The following HPSE2 variants were observed in gnomAD, a reference collection of about 807,000 sequenced individuals.
HPSE2 encodes inactive heparanase-2.
Under a neutral mutation model 60.5 loss-of-function variants are expected in HPSE2, and 38 were observed. The observed-to-expected ratio is 0.63, with a 90% confidence interval of 0.48 to 0.82. HPSE2 has a LOEUF of 0.82. Ranked by LOEUF, HPSE2 falls within the 40% of genes least tolerant of loss-of-function variation. The pLI is 0.00. For missense variants in HPSE2, 713 were observed against 740.4 expected (o/e 0.96, Z 0.43); for synonymous variants, 295 against 293.2 (o/e 1.01, Z -0.06).
chr10:99,270,880 A>T, the HPSE2 span, among the ~76,000 whole-genome samples: 3 of 152,242 alleles, frequency 2.0e-5, no homozygotes, highest in African/African-American at 7.2e-5. Context: ...ATTAAAAACA[A>T]AAATCACATT....
At chr10:98,906,300 G>A (rs974783010) in intron 3 of HPSE2, among the ~76,000 whole-genome samples, 1 of 152,234 alleles carries the variant, frequency 6.6e-6, no homozygotes, top group Admixed American at 6.5e-5. Context: ...AACCCAACCA[G>A]CAAGCCAAGA....
chr10:98,970,489 T>C (rs1288244357), intron 3 of HPSE2, among the ~76,000 whole-genome samples: 2 of 152,280 alleles, frequency 1.3e-5, no homozygotes, highest in Middle Eastern at 3.4e-3. Context: ...TTTATAATTA[T>C]GGAAACGTCT....
chr10:98,657,621 G>A (rs59119114), intron 6 of HPSE2, among the ~76,000 whole-genome samples: 2,186 of 152,322 alleles, frequency 0.014, 60 homozygotes, highest in African/African-American at 0.049. Flanking sequence ...ACAGGCGTGA[G>A]CCACCATGCC....
intron 3 of HPSE2, among the ~76,000 whole-genome samples, chr10:99,072,157 G>C (rs536862703): frequency 6.6e-6 from 1 of 151,958 alleles, no homozygotes; most frequent in Non-Finnish European, 1.5e-5. Flanking sequence ...TGAATGTAGA[G>C]ACTGCATTGG....
chr10:98,966,627 T>TA, intron 3 of HPSE2, among the ~76,000 whole-genome samples: 1 of 152,192 alleles, frequency 6.6e-6, no homozygotes, highest in East Asian at 1.9e-4. Context: ...GCCACACCTC[T>TA]ACTCCCTCTG....
intron 3 of HPSE2, among the ~76,000 whole-genome samples, chr10:98,828,725 A>C (rs1251641325): frequency 1.3e-5 from 2 of 152,352 alleles, no homozygotes; most frequent in African/African-American, 4.8e-5. Flanking sequence ...TCGGCTGGTA[A>C]GAGTGGAGAG....
chr10:98,603,886 C>G (rs1338067999), intron 9 of HPSE2, among the ~76,000 whole-genome samples: 1 of 152,042 alleles, frequency 6.6e-6, no homozygotes, highest in Non-Finnish European at 1.5e-5. Flanking sequence ...AATACCAACT[C>G]CAGCCCACTC....
At position 98,569,548 on chromosome 10, in the gene HPSE2, TTCATTC is replaced by T. The variant is rs79799833; in HGVS notation, c.1320+45350_1320+45355del. Among the ~76,000 whole-genome samples the T allele has an allele frequency of 6.3e-3, 966 of 152,184 alleles. 22 individuals carry two copies. In the East Asian group the frequency reaches 0.071, roughly 11 times the overall value. ...CCACCTCTATCCCTCCAAATCCATATTCATTCTCATTCTCATTCTCTCTCCTCCTCA... is the reference window on the plus strand; with the variant it reads ...CCACCTCTATCCCTCCAAATCCATATTCATTCTCATTCTCTCTCCTCCTCA... On this transcript the variant is annotated intron_variant, in intron 9 of 11. Transcript: ENST00000370552.
intron 9 of HPSE2, among the ~76,000 whole-genome samples, chr10:98,495,360 C>A (rs1250172022): frequency 6.6e-6 from 1 of 152,020 alleles, no homozygotes; most frequent in African/African-American, 2.4e-5. Flanking sequence ...TGGTGTGGGT[C>A]TCTTTAGATT....
chr10:98,513,046 C>A (rs1942472680), intron 9 of HPSE2, among the ~76,000 whole-genome samples: 1 of 152,140 alleles, frequency 6.6e-6, no homozygotes, highest in Non-Finnish European at 1.5e-5. Flanking sequence ...TCATATGTGT[C>A]TTTCCTTCTA....
chr10:99,129,381 G>A (rs1322526835), intron 3 of HPSE2, among the ~76,000 whole-genome samples: 1 of 152,048 alleles, frequency 6.6e-6, no homozygotes, highest in South Asian at 2.1e-4. Flanking sequence ...GACCATATAT[G>A]TCACAAAACA....
chr10:98,576,744 C>T (rs1313865673), intron 9 of HPSE2, among the ~76,000 whole-genome samples: 5 of 152,070 alleles, frequency 3.3e-5, no homozygotes, highest in Admixed American at 6.6e-5. Context: ...CCTGCCCCTC[C>T]GCCCCCAACA....
intron 3 of HPSE2, among the ~76,000 whole-genome samples, chr10:99,020,838 C>T (rs1347075644): frequency 1.3e-5 from 2 of 152,144 alleles, no homozygotes; most frequent in Admixed American, 1.3e-4. Flanking sequence ...AAAATCACCA[C>T]CAGCTTTTTC....
intron 3 of HPSE2, among the ~76,000 whole-genome samples, chr10:98,922,664 C>T (rs1954316430): frequency 6.6e-6 from 1 of 152,060 alleles, no homozygotes; most frequent in Admixed American, 6.6e-5. Context: ...ATATCTAGTA[C>T]TCAGAATCCA....
Position 98,877,381 on chromosome 10 carries a change from T to C in HPSE2, c.611-133325A>G, listed in dbSNP as rs374805616. 1.8e-3 allele frequency among the ~76,000 whole-genome samples: 270 copies of C among 151,926 alleles called. 3 individuals are homozygous for C. The South Asian group carries it at 0.028, about 16-fold the overall frequency. Reference sequence around the variant, plus strand: ...GGAAGCAAGAAGTACTAGAAAGCAGTTTAGGTAGTTTAGAAAAAATGCACA... The same window carrying C: ...GGAAGCAAGAAGTACTAGAAAGCAGCTTAGGTAGTTTAGAAAAAATGCACA... On this transcript the variant is annotated intron_variant, in intron 3 of 11. Coordinates refer to ENST00000370552, the MANE Select transcript of HPSE2 (RefSeq NM_021828.5).
intron 9 of HPSE2, among the ~76,000 whole-genome samples, chr10:98,565,342 C>T (rs941321728): frequency 2.1e-4 from 32 of 149,546 alleles, no homozygotes; most frequent in Non-Finnish European, 5.9e-5. Context: ...CACCCCCTGA[C>T]AGGGCCCGGA....
At chr10:98,856,725 G>A (rs555193643) in intron 3 of HPSE2, among the ~76,000 whole-genome samples, 8 of 152,214 alleles carry the variant, frequency 5.3e-5, no homozygotes, top group Admixed American at 1.3e-4. Context: ...TGTGATGTAC[G>A]TTTTATCACT....
rs190628630 is a variant in HPSE2, at chr10:98,548,009, C to G, written c.1321-57813G>C. Reference sequence around the variant, plus strand: ...ATACATATAATAGATTTATGAGATTCCAGGCACTATTCTGGGCATTGGAAA... The same window carrying G: ...ATACATATAATAGATTTATGAGATTGCAGGCACTATTCTGGGCATTGGAAA... On this transcript the variant is annotated intron_variant, in intron 9 of 11. Transcript: ENST00000370552. Among the ~76,000 whole-genome samples the G allele has an allele frequency of 1.4e-3, 210 of 152,178 alleles. 1 individual carries two copies. Among genetic ancestry groups the G allele is most frequent in the Non-Finnish European group, 2.0e-3 (139 of 68,006 alleles).
chr10:98,897,605 G>A (rs1220607375), intron 3 of HPSE2, among the ~76,000 whole-genome samples: 2 of 151,874 alleles, frequency 1.3e-5, no homozygotes, highest in Non-Finnish European at 1.5e-5. Context: ...AAGGGAGAAA[G>A]GATATCTTTC....
Sources: allele counts gnomAD v4.1 joint callset (sites outside exome capture counted in the v4.1 genomes callset), GRCh38; gene constraint gnomAD v4.1.1; transcripts MANE v1.5; gene names NCBI Gene and HGNC (gene_info 2026-07-23, HGNC 2026-07-21).